The following MAF variants were observed in gnomAD, a reference collection of about 807,000 sequenced individuals.
MAF encodes the protein transcription factor Maf.
MAF carries 10 observed loss-of-function variants against 22.0 expected under a neutral mutation model. The ratio of observed to expected loss-of-function variants is 0.45; its 90% confidence interval spans 0.28 to 0.77. MAF has a LOEUF of 0.77. MAF is among the 30% of genes least tolerant of loss of function. The pLI, the probability that MAF is intolerant of heterozygous loss-of-function variation, is 0.12. For missense variants in MAF, 544 were observed against 548.4 expected (o/e 0.99, Z 0.08); for synonymous variants, 337 against 255.8 (o/e 1.32, Z -3.03).
chr16:79,546,430 A>G, the MAF span, among the ~76,000 whole-genome samples: 2 of 152,138 alleles, frequency 1.3e-5, 1 homozygote, highest in South Asian at 4.2e-4. Flanking sequence ...GAAGAGATAG[A>G]AAGTTTTGAC....
At chr16:79,572,276 GC>G in the MAF span, among the ~76,000 whole-genome samples, 2 of 152,172 alleles carry the variant, frequency 1.3e-5, no homozygotes, top group East Asian at 1.9e-4. Flanking sequence ...GGAGGGACGT[GC>G]CAGGCATTTT....
chr16:79,596,129 G>A (rs923937139), intron 1 of MAF: 3 of 1,062,440 alleles, frequency 2.8e-6, no homozygotes, highest in Non-Finnish European at 3.4e-6. Context: ...CGGCTCCTCT[G>A]TCTATGGATG....
chr16:79,593,694 T>C (rs886885771), downstream of MAF: 1 of 163,348 alleles, frequency 6.1e-6, no homozygotes. Context: ...AATATATTAA[T>C]GTGTCAGATA....
chr16:79,524,788 A>G, the MAF span, among the ~76,000 whole-genome samples: 1 of 152,186 alleles, frequency 6.6e-6, no homozygotes, highest in Non-Finnish European at 1.5e-5. Context: ...TGGATATGGG[A>G]ATTAGATAAG....
At chr16:79,389,275 T>C in the MAF span, among the ~76,000 whole-genome samples, 5 of 152,278 alleles carry the variant, frequency 3.3e-5, no homozygotes, top group African/African-American at 9.6e-5. Context: ...TTATTAATTA[T>C]TTATGAGACA....
At chr16:79,418,239 T>C in the MAF span, among the ~76,000 whole-genome samples, 2 of 152,030 alleles carry the variant, frequency 1.3e-5, no homozygotes, top group African/African-American at 4.8e-5. Context: ...AGCTGATAGA[T>C]ATGAAAACGA....
the MAF span, among the ~76,000 whole-genome samples, chr16:79,318,389 T>A: frequency 2.2e-4 from 33 of 152,114 alleles, no homozygotes; most frequent in Non-Finnish European, 3.7e-4. Flanking sequence ...TTCTGCAGGG[T>A]ACATGAGCAA....
chr16:79,455,458 T>C, the MAF span, among the ~76,000 whole-genome samples: 1 of 152,204 alleles, frequency 6.6e-6, no homozygotes, highest in Non-Finnish European at 1.5e-5. Context: ...TAGTGGATGC[T>C]ACATTATCTC....
chr16:79,208,395 C>T, the MAF span, among the ~76,000 whole-genome samples: 1 of 147,466 alleles, frequency 6.8e-6, no homozygotes, highest in Non-Finnish European at 1.5e-5. Context: ...AAAAAAAAAT[C>T]GTTTAGGGGA....
At chr16:79,358,261 G>T in the MAF span, among the ~76,000 whole-genome samples, 3 of 152,292 alleles carry the variant, frequency 2.0e-5, no homozygotes, top group East Asian at 1.9e-4. Flanking sequence ...GGGCTGGGGG[G>T]TCCTGGTCGA....
chr16:79,527,383 A>G, the MAF span, among the ~76,000 whole-genome samples: 2 of 152,244 alleles, frequency 1.3e-5, no homozygotes, highest in African/African-American at 4.8e-5. Flanking sequence ...AAAATCATTC[A>G]GCTTCCTGGC....
the MAF span, among the ~76,000 whole-genome samples, chr16:79,386,167 G>C: frequency 6.6e-6 from 1 of 152,108 alleles, no homozygotes; most frequent in Non-Finnish European, 1.5e-5. Flanking sequence ...CATAGTTTTG[G>C]GATGATTCAC....
At chr16:79,422,257 C>T in the MAF span, among the ~76,000 whole-genome samples, 10 of 152,078 alleles carry the variant, frequency 6.6e-5, no homozygotes, top group Admixed American at 1.3e-4. Flanking sequence ...TTCATGGTTG[C>T]GAAGAATTAG....
the MAF span, among the ~76,000 whole-genome samples, chr16:79,296,734 G>A: frequency 6.6e-6 from 1 of 151,902 alleles, no homozygotes; most frequent in Non-Finnish European, 1.5e-5. Flanking sequence ...TCAGGCCTCA[G>A]AACTGGCCCT....
chr16:79,552,813 G>A, the MAF span, among the ~76,000 whole-genome samples: 1 of 152,128 alleles, frequency 6.6e-6, no homozygotes, highest in Non-Finnish European at 1.5e-5. Context: ...TTACCTTCAA[G>A]GCTGGTGCAA....
chr16:79,442,085 G>A, the MAF span, among the ~76,000 whole-genome samples: 13 of 152,162 alleles, frequency 8.5e-5, 1 homozygote, highest in Admixed American at 7.2e-4. Flanking sequence ...CCCTTCAGAG[G>A]GAAAGTGGCC....
chr16:79,526,717 A>G, the MAF span, among the ~76,000 whole-genome samples: 2 of 152,240 alleles, frequency 1.3e-5, no homozygotes, highest in African/African-American at 4.8e-5. Context: ...CCTGATCCGT[A>G]GCATTTGTTC....
chr16:79,499,158 C>A, the MAF span, among the ~76,000 whole-genome samples: 1 of 152,210 alleles, frequency 6.6e-6, no homozygotes, highest in African/African-American at 2.4e-5. Flanking sequence ...CAGTAACAAG[C>A]AGTCCCCAGA....
At chr16:79,341,261 C>T in the MAF span, among the ~76,000 whole-genome samples, 3 of 152,032 alleles carry the variant, frequency 2.0e-5, no homozygotes, top group Admixed American at 2.0e-4. Context: ...ATGCCCTGTA[C>T]CTCAGTTTCT....
Sources: allele counts gnomAD v4.1 joint callset (sites outside exome capture counted in the v4.1 genomes callset), GRCh38; gene constraint gnomAD v4.1.1; transcripts MANE v1.5; gene names NCBI Gene and HGNC (gene_info 2026-07-23, HGNC 2026-07-21).